UNC5D: variants seen among roughly 807,000 people sequenced by gnomAD.
UNC5D encodes the protein unc-5 netrin receptor D, also known as netrin receptor UNC5D.
UNC5D carries 39 observed loss-of-function variants against 105.4 expected under a neutral mutation model. That is an observed-to-expected ratio of 0.37 (90% CI 0.29 to 0.48). UNC5D has a LOEUF of 0.48. Among genes scored for constraint, UNC5D ranks in the 20% least tolerant of loss-of-function variants. UNC5D has a pLI of 0.98. For synonymous variants in UNC5D, 452 were observed against 450.4 expected (o/e 1.00, Z -0.04); for missense variants, 991 against 1,202.4 (o/e 0.82, Z 2.60).
chr8:35,707,214 G>A (rs1035472654), intron 8 of UNC5D, among the ~76,000 whole-genome samples: 6 of 152,154 alleles, frequency 3.9e-5, no homozygotes, highest in African/African-American at 1.4e-4. Flanking sequence ...AGACATGAGG[G>A]AAAAATCCAG....
At chr8:35,765,903 A>C (rs1801743472) in intron 14 of UNC5D, among the ~76,000 whole-genome samples, 2 of 152,164 alleles carry the variant, frequency 1.3e-5, no homozygotes, top group South Asian at 2.1e-4. Context: ...AAATAGAGAA[A>C]AAAGTGAGCG....
At chr8:35,288,344 A>C (rs1334398451) in intron 1 of UNC5D, among the ~76,000 whole-genome samples, 1 of 152,058 alleles carries the variant, frequency 6.6e-6, no homozygotes, top group South Asian at 2.1e-4. Flanking sequence ...CAAAAATACT[A>C]TACCTGGTAA....
chr8:35,347,022 T>C (rs895779677), intron 1 of UNC5D, among the ~76,000 whole-genome samples: 4 of 151,982 alleles, frequency 2.6e-5, no homozygotes, highest in Non-Finnish European at 4.4e-5. Context: ...TTCTTTAGTA[T>C]AGGTTAATTG....
intron 14 of UNC5D, among the ~76,000 whole-genome samples, chr8:35,761,249 T>G (rs992537905): frequency 7.9e-5 from 12 of 152,194 alleles, no homozygotes; most frequent in Non-Finnish European, 1.6e-4. Flanking sequence ...GTATTAATCT[T>G]TATAGGTTAT....
intron 10 of UNC5D, among the ~76,000 whole-genome samples, chr8:35,728,095 A>ATATATATATATATATATAT (rs1554596594): frequency 9.1e-6 from 1 of 110,360 alleles, no homozygotes; most frequent in African/African-American, 5.5e-5. Context: ...AAAAAAAAAA[A>ATATATATATATATATATAT]ATATATATAT....
At chr8:35,440,026 A>G (rs2128982918) in intron 1 of UNC5D, among the ~76,000 whole-genome samples, 1 of 152,136 alleles carries the variant, frequency 6.6e-6, no homozygotes, top group East Asian at 1.9e-4. Flanking sequence ...TTTCAGAATC[A>G]GTGCTTTTCC....
chr8:35,759,434 T>C lies in UNC5D; in HGVS notation c.2278T>C (p.Phe760Leu). ...GATTTCTGTCCTTGATATTCCCCCA[T>C]TCCTCTGGAGAATTAAACCATTCAC... is the stretch of plus-strand genomic sequence containing the variant. ...LQISVLDIPP[F>L]LWRIKPFTAC... The change falls in exon 14 of 17, where the codon TTC (phenylalanine) becomes CTC (leucine). Residue 760 changes from phenylalanine to leucine, a missense_variant. By Grantham distance (22) the Phe-to-Leu change is conservative (BLOSUM62 0). Coordinates refer to ENST00000404895, the MANE Select transcript of UNC5D (RefSeq NM_080872.4). The C allele has an allele frequency of 6.2e-7, 1 of 1,614,054 alleles. No homozygotes were observed. The highest frequency in any genetic ancestry group is 8.5e-7 in the Non-Finnish European group (1 of 1,179,940).
At chr8:35,623,561 G>A (rs1420696872) in intron 4 of UNC5D, among the ~76,000 whole-genome samples, 1 of 152,074 alleles carries the variant, frequency 6.6e-6, no homozygotes, top group African/African-American at 2.4e-5. Context: ...CCTCGGGGCC[G>A]CGAGTGGCTC....
At chr8:35,422,388 C>A (rs564854235) in intron 1 of UNC5D, among the ~76,000 whole-genome samples, 4 of 152,128 alleles carry the variant, frequency 2.6e-5, no homozygotes. Context: ...TCAATCCTGG[C>A]GGAGAGAGAG....
intron 1 of UNC5D, among the ~76,000 whole-genome samples, chr8:35,444,150 T>C (rs1807623351): frequency 6.6e-6 from 1 of 151,996 alleles, no homozygotes; most frequent in African/African-American, 2.4e-5. Flanking sequence ...GTGACTGAAT[T>C]GGCAGTCATT....
chr8:35,329,677 A>C (rs1378077717), intron 1 of UNC5D, among the ~76,000 whole-genome samples: 2 of 152,190 alleles, frequency 1.3e-5, no homozygotes, highest in Non-Finnish European at 2.9e-5. Flanking sequence ...TTAAGAAAAA[A>C]TGATTTTAAA....
chr8:35,533,965 A>G (rs1350871384), intron 1 of UNC5D, among the ~76,000 whole-genome samples: 2 of 152,046 alleles, frequency 1.3e-5, no homozygotes, highest in Admixed American at 6.5e-5. Flanking sequence ...CTAGTGAGAT[A>G]AACCCGGTAC....
chr8:35,574,460 A>G (rs572825574), intron 3 of UNC5D, among the ~76,000 whole-genome samples: 1 of 152,338 alleles, frequency 6.6e-6, no homozygotes, highest in South Asian at 2.1e-4. Flanking sequence ...TAGCTATGCA[A>G]TTGTGCCAAG....
intron 13 of UNC5D, among the ~76,000 whole-genome samples, chr8:35,753,369 C>T (rs59164943): frequency 0.075 from 11,329 of 151,944 alleles, 1,146 homozygotes; most frequent in African/African-American, 0.23. Context: ...CCCGGGTTCA[C>T]GCCATTTTCC....
intron 12 of UNC5D, 58 bp from the exon 13 acceptor site, chr8:35,750,524 T>G (rs1227156457): frequency 6.5e-7 from 1 of 1,544,666 alleles, no homozygotes; most frequent in Non-Finnish European, 8.9e-7. Flanking sequence ...CCTGGCAATA[T>G]AAAGGTTAGA....
intron 1 of UNC5D, among the ~76,000 whole-genome samples, chr8:35,307,705 C>T (rs1249141550): frequency 2.0e-5 from 3 of 152,084 alleles, no homozygotes; most frequent in African/African-American, 4.8e-5. Flanking sequence ...TTTAATTAAC[C>T]TCGCATTTCC....
Position 35,345,933 on chromosome 8 carries a change from T to C in UNC5D, c.103+110046T>C, listed in dbSNP as rs1811779631. 3.9e-5 allele frequency among the ~76,000 whole-genome samples: 6 copies of C among 152,052 alleles called. 3 individuals are homozygous for C. Among genetic ancestry groups the C allele is most frequent in the Admixed American group, 3.9e-4 (6 of 15,220 alleles). On this transcript the variant is annotated intron_variant, in intron 1 of 16. Coordinates refer to ENST00000404895, the MANE Select transcript of UNC5D (RefSeq NM_080872.4). ...ATTTGCACACTTTATTATGGTGGCC[T>C]TTTTTGTCTGTGGATAGTCTATCCT...
chr8:35,354,461 T>G (rs1294360731), intron 1 of UNC5D, among the ~76,000 whole-genome samples: 1 of 152,152 alleles, frequency 6.6e-6, no homozygotes, highest in Non-Finnish European at 1.5e-5. Flanking sequence ...TTGAGCTGTT[T>G]CATATGCATG....
intron 1 of UNC5D, among the ~76,000 whole-genome samples, chr8:35,396,334 G>A (rs1365663902): frequency 6.6e-6 from 1 of 152,110 alleles, no homozygotes; most frequent in African/African-American, 2.4e-5. Flanking sequence ...GGCTCATGGG[G>A]CTGAGTCGGG....
Sources: gnomAD v4.1 joint callset for allele counts (sites outside exome capture counted in the v4.1 genomes callset) on GRCh38, gnomAD v4.1.1 for gene constraint, MANE v1.5 for transcripts, NCBI Gene and HGNC (gene_info 2026-07-23, HGNC 2026-07-21) for gene names.